Variants in FGGY observed in about 807,000 individuals in gnomAD.
FGGY encodes the protein FGGY carbohydrate kinase domain containing, also known as FGGY carbohydrate kinase domain-containing protein.
Under a neutral mutation model 71.3 loss-of-function variants are expected in FGGY, and 72 were observed. The ratio of observed to expected loss-of-function variants is 1.01; its 90% CI spans 0.84 to 1.23. FGGY has a LOEUF of 1.23. Ranked by LOEUF, FGGY falls within the 50% of genes most tolerant of loss-of-function variation. FGGY has a pLI of 0.00. For missense variants in FGGY, 668 were observed against 682.3 expected, an observed-to-expected ratio of 0.98 and a Z score of 0.23; for synonymous variants, 251 against 250.3, an observed-to-expected ratio of 1.00 and a Z score of -0.02.
intron 4 of FGGY, among the ~76,000 whole-genome samples, chr1:59,371,766 G>A (rs1244916368): frequency 1.3e-5 from 2 of 152,016 alleles, no homozygotes; most frequent in Non-Finnish European, 1.5e-5. Context: ...ACTCAAAACT[G>A]CTCAACTACA....
At chr1:59,593,708 A>G (rs1268845517) in intron 8 of FGGY, among the ~76,000 whole-genome samples, 2 of 152,224 alleles carry the variant, frequency 1.3e-5, no homozygotes, top group Non-Finnish European at 2.9e-5. Context: ...TGCTTATCAG[A>G]ATATCTTGCC....
At chr1:59,564,476 G>A (rs144466607) in intron 8 of FGGY, among the ~76,000 whole-genome samples, 39 of 152,366 alleles carry the variant, frequency 2.6e-4, no homozygotes, top group Admixed American at 6.5e-4. Context: ...GGCAAAGGGT[G>A]TGGCCTGGGC....
At chr1:59,587,086 C>T (rs969297611) in intron 8 of FGGY, among the ~76,000 whole-genome samples, 6 of 152,336 alleles carry the variant, frequency 3.9e-5, no homozygotes, top group East Asian at 1.9e-4. Context: ...GGGTCACTCC[C>T]GCCCTAATAC....
intron 11 of FGGY, among the ~76,000 whole-genome samples, chr1:59,643,322 A>G (rs1427921114): frequency 3.3e-5 from 5 of 152,086 alleles, no homozygotes; most frequent in Non-Finnish European, 2.9e-5. Context: ...CCAAGTAGCT[A>G]AGACTACACA....
chr1:59,688,176 CT>C (rs1462477602), intron 14 of FGGY, among the ~76,000 whole-genome samples: 7 of 152,184 alleles, frequency 4.6e-5, no homozygotes, highest in African/African-American at 1.4e-4. Flanking sequence ...AAGATAGTGT[CT>C]AGTCAGAAGG....
chr1:59,636,715 T>C (rs1010739434), intron 10 of FGGY, among the ~76,000 whole-genome samples: 1 of 152,042 alleles, frequency 6.6e-6, no homozygotes, highest in Non-Finnish European at 1.5e-5. Context: ...GCTCTACTCA[T>C]TGGTTTGTTT....
intron 6 of FGGY, among the ~76,000 whole-genome samples, chr1:59,476,764 A>G (rs2093283135): frequency 6.6e-6 from 1 of 152,242 alleles, no homozygotes; most frequent in Non-Finnish European, 1.5e-5. Context: ...GTTGTCTGAC[A>G]TTCCCTTCCT....
At chr1:59,739,314 G>A (rs933383518) in intron 14 of FGGY, among the ~76,000 whole-genome samples, 1 of 152,210 alleles carries the variant, frequency 6.6e-6, no homozygotes, top group Non-Finnish European at 1.5e-5. Flanking sequence ...GCTTGGTAGA[G>A]ATAAGTTTGG....
At chr1:59,410,281 CTGTG>C (rs781497225) in intron 5 of FGGY, among the ~76,000 whole-genome samples, 6 of 152,154 alleles carry the variant, frequency 3.9e-5, no homozygotes, top group Non-Finnish European at 7.4e-5. Flanking sequence ...ATGTGAATAT[CTGTG>C]TGTACTAGGC....
Position 59,626,063 on chromosome 1 carries a change from C to G in FGGY, c.1073+14C>G, listed in dbSNP as rs746488344. ...GGCCACAGCCAGGTAACTGCTGTCT[C>G]TGTTCCCTCTAAAATTTTCCTTGTG... On this transcript the variant is annotated intron_variant, in intron 10 of 15. Transcript: ENST00000303721. 2 of 1,611,768 alleles carry G rather than the reference C, an allele frequency of 1.2e-6. No homozygotes were observed. The highest frequency in any genetic ancestry group is 1.7e-6 in the Non-Finnish European group (2 of 1,178,456).
intron 5 of FGGY, among the ~76,000 whole-genome samples, chr1:59,416,718 T>C (rs1008169419): frequency 6.6e-6 from 1 of 152,218 alleles, no homozygotes; most frequent in African/African-American, 2.4e-5. Context: ...GCTGGAAGAA[T>C]TGGTGAGAAG....
chr1:59,400,820 C>T (rs928157347), intron 5 of FGGY, among the ~76,000 whole-genome samples: 3 of 151,894 alleles, frequency 2.0e-5, no homozygotes, highest in Non-Finnish European at 4.4e-5. Flanking sequence ...CACCCAGGCT[C>T]AAGTGCAGTG....
intron 14 of FGGY, among the ~76,000 whole-genome samples, chr1:59,744,164 A>G (rs1194508418): frequency 1.3e-5 from 2 of 152,166 alleles, no homozygotes; most frequent in Non-Finnish European, 2.9e-5. Context: ...AATTATTTCT[A>G]TTACTTCTAT....
intron 14 of FGGY, among the ~76,000 whole-genome samples, chr1:59,701,887 G>A (rs1232281178): frequency 6.6e-6 from 1 of 152,190 alleles, no homozygotes; most frequent in Non-Finnish European, 1.5e-5. Flanking sequence ...ATGAATCAGT[G>A]AGTGAGTTTT....
At chr1:59,471,482 C>T (rs2092937809) in intron 6 of FGGY, among the ~76,000 whole-genome samples, 2 of 152,166 alleles carry the variant, frequency 1.3e-5, no homozygotes, top group African/African-American at 2.4e-5. Flanking sequence ...TTGATCTTAC[C>T]TTATCCTCTT....
intron 8 of FGGY, among the ~76,000 whole-genome samples, chr1:59,565,563 C>T (rs1469476166): frequency 2.6e-5 from 4 of 152,168 alleles, no homozygotes; most frequent in Admixed American, 6.5e-5. Context: ...GGATTACAGG[C>T]GTGAGCCACC....
At chr1:59,531,503 G>C (rs910085208) in intron 7 of FGGY, among the ~76,000 whole-genome samples, 2 of 152,112 alleles carry the variant, frequency 1.3e-5, no homozygotes, top group African/African-American at 4.8e-5. Flanking sequence ...GCTACTAAAG[G>C]ACTTGAGGGG....
intron 8 of FGGY, among the ~76,000 whole-genome samples, chr1:59,572,558 G>A (rs115293245): frequency 6.6e-6 from 1 of 152,276 alleles, no homozygotes; most frequent in African/African-American, 2.4e-5. Context: ...AGAACAAATT[G>A]GCAAGAGACC....
At chr1:59,368,353 C>A (rs541257216) in intron 4 of FGGY, among the ~76,000 whole-genome samples, 1 of 152,084 alleles carries the variant, frequency 6.6e-6, no homozygotes, top group Non-Finnish European at 1.5e-5. Flanking sequence ...TCCAAAAGGC[C>A]CAAAATCACA....
Sources: allele counts gnomAD v4.1 joint callset (sites outside exome capture counted in the v4.1 genomes callset), GRCh38; gene constraint gnomAD v4.1.1; transcripts MANE v1.5; gene names NCBI Gene and HGNC (gene_info 2026-07-23, HGNC 2026-07-21).